The following TUT7 variants were observed in gnomAD, a reference collection of about 807,000 sequenced individuals.
TUT7 encodes terminal uridylyltransferase 7.
In TUT7, 33 loss-of-function variants were observed where a neutral mutation model predicts 165.9. The observed-to-expected ratio is 0.20, with a 90% CI of 0.15 to 0.27. The LOEUF (loss-of-function observed/expected upper bound fraction) is 0.27, where lower values mean the gene tolerates loss of function less well. TUT7 is among the 10% of genes least tolerant of loss of function. The pLI, the probability that TUT7 is intolerant of heterozygous loss-of-function variation, is 1.00. For synonymous variants in TUT7, 552 were observed against 608.1 expected, an observed-to-expected ratio of 0.91 and a Z score of 1.36; for missense variants, 1,338 against 1,762.3, an observed-to-expected ratio of 0.76 and a Z score of 4.31.
intron 1 of TUT7, 27 bp from the exon 2 acceptor site, chr9:86,353,257 T>C (rs1185056243): frequency 2.0e-6 from 3 of 1,487,100 alleles, no homozygotes; most frequent in African/African-American, 1.4e-5. Flanking sequence ...TGGGGAAATA[T>C]CAAACTATAT....
At chr9:86,331,718 T>C (rs939675570) in intron 10 of TUT7, among the ~76,000 whole-genome samples, 1 of 152,228 alleles carries the variant, frequency 6.6e-6, no homozygotes, top group African/African-American at 2.4e-5. Context: ...TTATATTTAA[T>C]TTATTTCTTC....
chr9:86,288,785 A>C (rs1235553242), intron 26 of TUT7, 41 bp from the exon 27 acceptor site: 1 of 1,524,900 alleles, frequency 6.6e-7, no homozygotes, highest in Non-Finnish European at 9.0e-7. Flanking sequence ...TAAATGAAAC[A>C]AGCCTCGCTT....
intron 2 of TUT7, among the ~76,000 whole-genome samples, chr9:86,347,198 C>A (rs1588017370): frequency 6.6e-6 from 1 of 152,202 alleles, no homozygotes; most frequent in South Asian, 2.1e-4. Context: ...AGGAAAAAAA[C>A]AACTGGCCAT....
rs1349061931 is a variant in TUT7 at position 86,323,604 on chromosome 9, G to A, written c.2146C>T (p.His716Tyr). 1.9e-6 allele frequency: 3 copies of A among 1,614,198 alleles called. No individual in the cohort carries two copies. The highest frequency in any genetic ancestry group is 2.5e-6 in the Non-Finnish European group (3 of 1,180,046). ...SPPKEEMGNE[H>Y]ISVHPENSDC... ...GAGTTTTCAGGGTGGACACTGATGT[G>A]TTCATTTCCCATTTCTTCTTTTGGT... Residue 716 changes from histidine to tyrosine, a missense_variant, in exon 13 of 27, where the codon CAC becomes TAC. His to Tyr is a moderately conservative substitution (Grantham distance 83). Coordinates refer to ENST00000375963, the MANE Select transcript of TUT7 (RefSeq NM_024617.4).
At chr9:86,330,124 C>A (rs1042399505) in intron 10 of TUT7, among the ~76,000 whole-genome samples, 3 of 152,156 alleles carry the variant, frequency 2.0e-5, no homozygotes. Flanking sequence ...GTGGCATGAT[C>A]TCGGCTCACT....
intron 5 of TUT7, among the ~76,000 whole-genome samples, chr9:86,343,707 C>T (rs571678017): frequency 6.6e-6 from 1 of 152,168 alleles, no homozygotes; most frequent in African/African-American, 2.4e-5. Flanking sequence ...GAACAAAAAG[C>T]GTTTGCTGTA....
chr9:86,344,710 C>T (rs905076688), intron 5 of TUT7, among the ~76,000 whole-genome samples: 3 of 151,504 alleles, frequency 2.0e-5, no homozygotes, highest in African/African-American at 7.3e-5. Flanking sequence ...CACAAGAGTC[C>T]CACAGTGCCC....
intron 2 of TUT7, among the ~76,000 whole-genome samples, chr9:86,348,442 T>C (rs1472493025): frequency 1.3e-5 from 2 of 152,030 alleles, no homozygotes; most frequent in African/African-American, 2.4e-5. Flanking sequence ...AGTAAAGGGA[T>C]TGAAAATATA....
In TUT7 at chr9:86,345,129, G is replaced by A; in HGVS notation, c.845C>T (p.Thr282Ile). 6.2e-7 allele frequency: 1 copy of A among 1,608,804 alleles called. No individual in the cohort carries two copies. The highest frequency in any genetic ancestry group is 1.1e-5 in the South Asian group (1 of 89,714). ...IKEKQEEELL[T>I]TLPPPTPSQI... is the part of the protein sequence containing the mutation. ...GGAGGGTGTTGGTGGGGGTAACGTA[G>A]TGAGCAACTCTTCCTCTTGCTTCTC... is the stretch of plus-strand genomic sequence containing the variant. The change falls in exon 5 of 27, where the codon ACT (threonine) becomes ATT (isoleucine). Residue 282 changes from threonine (T) to isoleucine (I), a missense_variant. Transcript: ENST00000375963.
At chr9:86,336,454 G>T (rs1830789820) in intron 10 of TUT7, among the ~76,000 whole-genome samples, 1 of 152,144 alleles carries the variant, frequency 6.6e-6, no homozygotes, top group Admixed American at 6.5e-5. Flanking sequence ...CTTATGCCAG[G>T]ATAGTTTTCT....
chr9:86,304,764 C>T (rs1487957099), intron 24 of TUT7, 92 bp downstream of exon 24: 3 of 807,226 alleles, frequency 3.7e-6, no homozygotes. Flanking sequence ...GACTCACAGA[C>T]TTTCTAAATA....
Position 86,328,552 on chromosome 9 carries a change from C to T in TUT7, c.1456-60G>A, listed in dbSNP as rs551437797. 3.6e-5 allele frequency: 50 copies of T among 1,393,728 alleles called. No individual in the cohort carries two copies. In the South Asian group the frequency reaches 7.4e-4, roughly 21 times the overall value. The allele number at this position is 1,393,728 out of a possible 1,614,324, so 86.3% of individuals were successfully genotyped here. ...GAAATAATCTTATATCAAACACAGT[C>T]TACTAATCTTGGAATAAAAAAATAC... On this transcript the variant is annotated intron_variant, in intron 10 of 26. Coordinates refer to ENST00000375963, the MANE Select transcript of TUT7 (RefSeq NM_024617.4).
intron 9 of TUT7, among the ~76,000 whole-genome samples, chr9:86,338,508 G>C (rs1351486409): frequency 6.6e-6 from 1 of 152,078 alleles, no homozygotes; most frequent in South Asian, 2.1e-4. Context: ...TTATCTCAAC[G>C]TTCCTGTGCC....
chr9:86,329,898 C>T (rs970905917), intron 10 of TUT7, among the ~76,000 whole-genome samples: 4 of 152,146 alleles, frequency 2.6e-5, no homozygotes, highest in African/African-American at 9.7e-5. Context: ...CAGCTCTGCT[C>T]AAATGTTTTC....
At chr9:86,337,672 T>C in intron 9 of TUT7, 134 bp from the exon 10 acceptor site, 1 of 1,070,610 alleles carries the variant, frequency 9.3e-7, no homozygotes, top group Middle Eastern at 2.2e-4. Flanking sequence ...AAAATAGCAG[T>C]TACAAAATAT....
intron 2 of TUT7, among the ~76,000 whole-genome samples, chr9:86,346,740 A>T (rs1831803913): frequency 6.6e-6 from 1 of 152,198 alleles, no homozygotes; most frequent in Non-Finnish European, 1.5e-5. Context: ...TTTGATTTTT[A>T]TTATCTCTTC....
In TUT7 at chr9:86,353,189, G is replaced by GT; in HGVS notation, c.10dup (p.Thr4AsnfsTer11). The GT allele has an allele frequency of 6.3e-7, 1 of 1,577,598 alleles. No homozygotes were observed. Among genetic ancestry groups the GT allele is most frequent in the Non-Finnish European group, 8.6e-7 (1 of 1,166,872 alleles). Reference sequence around the variant, plus strand: ...GCGCTTCACGAAATAAGGTTTTGCTGTATCTCCCATGGTCTTTGACTTCAA... The same window carrying GT: ...GCGCTTCACGAAATAAGGTTTTGCTGTTATCTCCCATGGTCTTTGACTTCAA... On this transcript the variant is annotated frameshift_variant, in exon 2 of 27. Transcript: ENST00000375963. LOFTEE classifies it high-confidence loss of function.
rs777185017 is a variant in TUT7 at position 86,309,285 on chromosome 9, T to A, written c.3587A>T (p.Tyr1196Phe). The change falls in exon 21 of 27, where the codon TAC becomes TTC. Residue 1196 changes from tyrosine (Y) to phenylalanine (F), a missense_variant. By Grantham distance (22) the Tyr-to-Phe change is conservative. Transcript: ENST00000375963. ...TATTTCAGGTTTCTTTTCACCTTTG[T>A]ATATCTGAAATTAATTTTTAAACTA... ...PPVIPVLQEI[Y>F]KGEKKPEIFV... The A allele has an allele frequency of 6.5e-7, 1 of 1,546,168 alleles. No individual in the cohort carries two copies. Among genetic ancestry groups the A allele is most frequent in the Non-Finnish European group, 8.9e-7 (1 of 1,126,666 alleles).
intron 17 of TUT7, among the ~76,000 whole-genome samples, chr9:86,316,524 G>T (rs1025588862): frequency 8.5e-5 from 13 of 152,244 alleles, no homozygotes; most frequent in African/African-American, 3.1e-4. Context: ...CACAAGCCCA[G>T]TCCGGGGTGC....
Sources: allele counts gnomAD v4.1 joint callset (sites outside exome capture counted in the v4.1 genomes callset), GRCh38; gene constraint gnomAD v4.1.1; transcripts MANE v1.5; gene names NCBI Gene and HGNC (gene_info 2026-07-23, HGNC 2026-07-21).